PPP2R2B: variants seen among roughly 807,000 people sequenced by gnomAD.
The protein encoded by PPP2R2B is protein phosphatase 2 regulatory subunit Bbeta.
A neutral mutation model predicts 46.0 loss-of-function variants in PPP2R2B; 5 were observed. That is an observed-to-expected ratio of 0.11 (90% confidence interval 0.06 to 0.23). PPP2R2B has a LOEUF of 0.23. Among genes scored for constraint, PPP2R2B ranks in the 10% least tolerant of loss-of-function variants. The pLI is 1.00. For synonymous variants in PPP2R2B, 215 were observed against 206.7 expected, an observed-to-expected ratio of 1.04 and a Z score of -0.34; for missense variants, 367 against 575.0, an observed-to-expected ratio of 0.64 and a Z score of 3.70.
intron 1 of PPP2R2B, among the ~76,000 whole-genome samples, chr5:147,001,947 G>A (rs1754198576): frequency 6.6e-6 from 1 of 152,118 alleles, no homozygotes; most frequent in African/African-American, 2.4e-5. Context: ...TCAGGGTCCT[G>A]ACAACAAGTT....
At chr5:146,903,155 T>C (rs932655020) in intron 1 of PPP2R2B, among the ~76,000 whole-genome samples, 3 of 152,144 alleles carry the variant, frequency 2.0e-5, no homozygotes, top group Admixed American at 6.5e-5. Flanking sequence ...TATATAGTAA[T>C]TTTTCATAAA....
At chr5:147,029,577 C>T (rs544956690) in intron 1 of PPP2R2B, among the ~76,000 whole-genome samples, 1 of 151,942 alleles carries the variant, frequency 6.6e-6, no homozygotes, top group Non-Finnish European at 1.5e-5. Flanking sequence ...TGAACTGTGC[C>T]CCCCTGCAAA....
At chr5:146,916,603 C>T (rs1763393519) in intron 1 of PPP2R2B, among the ~76,000 whole-genome samples, 1 of 152,084 alleles carries the variant, frequency 6.6e-6, no homozygotes, top group African/African-American at 2.4e-5. Context: ...CCGTATCCCA[C>T]AACTAAACTG....
chr5:146,761,539 G>A (rs1413014361), intron 2 of PPP2R2B, among the ~76,000 whole-genome samples: 1 of 151,786 alleles, frequency 6.6e-6, no homozygotes, highest in African/African-American at 2.4e-5. Flanking sequence ...GGGGGGTGCA[G>A]CACACCAACA....
intron 2 of PPP2R2B, among the ~76,000 whole-genome samples, chr5:146,723,859 G>A (rs1751679794): frequency 6.6e-6 from 1 of 151,966 alleles, no homozygotes; most frequent in African/African-American, 2.4e-5. Flanking sequence ...GGAGGGCCAG[G>A]ACAAATTCAT....
chr5:146,804,027 C>T (rs537162965), intron 2 of PPP2R2B, among the ~76,000 whole-genome samples: 3 of 151,886 alleles, frequency 2.0e-5, no homozygotes, highest in East Asian at 1.9e-4. Flanking sequence ...ATTAGACGGG[C>T]GTGGTGGCCA....
rs370311425 is a variant in PPP2R2B at position 147,079,505 on chromosome 5, G to T, written c.50+1554C>A. Among the ~76,000 whole-genome samples, 114 of 138,188 alleles carry T rather than the reference G, an allele frequency of 8.2e-4. No homozygotes were observed. In the South Asian group the frequency reaches 0.016, roughly 19 times the overall value. 90.7% of individuals were successfully genotyped at this position (138,188 alleles called of 152,430 possible). A position where few individuals can be genotyped will look rare whatever the true frequency, so the allele number is the denominator to read the frequency against. On this transcript the variant is annotated intron_variant, in intron 2 of 10. Coordinates refer to the PPP2R2B transcript ENST00000394413. ...TGGAATATTACTCAGCCATAAAAAA[G>T]AATAAAATCCTGTCATGTGGCAACA...
At chr5:146,826,493 C>T (rs1311525572) in intron 2 of PPP2R2B, among the ~76,000 whole-genome samples, 1 of 152,118 alleles carries the variant, frequency 6.6e-6, no homozygotes, top group African/African-American at 2.4e-5. Context: ...CCAAGATAAT[C>T]TTCAGTTTCC....
chr5:146,683,319 A>T (rs1396011785), intron 5 of PPP2R2B, among the ~76,000 whole-genome samples: 1 of 152,158 alleles, frequency 6.6e-6, no homozygotes, highest in Non-Finnish European at 1.5e-5. Context: ...ATTCAGATGC[A>T]TATATTAGGC....
chr5:146,583,346 A>T lies in PPP2R2B; in HGVS notation c.*6601T>A, dbSNP rs1769990026. Reference sequence around the variant, plus strand: ...CTGAATGCATATTTGTGGGCCAGGCATCCTTCTAAGAGCTTTGTGCATATT... The same window carrying T: ...CTGAATGCATATTTGTGGGCCAGGCTTCCTTCTAAGAGCTTTGTGCATATT... On this transcript the variant is annotated 3_prime_UTR_variant, in exon 10 of 10. Transcript: ENST00000394411. 1 of 152,202 alleles carries T rather than the reference A, an allele frequency of 6.6e-6. No homozygotes were observed. The highest frequency in any genetic ancestry group is 2.4e-5 in the African/African-American group (1 of 41,448). The allele number at this position is 152,202 out of a possible 1,614,324, so 9.4% of individuals were successfully genotyped here. A position where few individuals can be genotyped will look rare whatever the true frequency, so the allele number is the denominator to read the frequency against.
upstream of PPP2R2B, among the ~76,000 whole-genome samples, chr5:146,882,088 T>C (rs185073020): frequency 9.9e-5 from 15 of 152,042 alleles, no homozygotes; most frequent in East Asian, 2.1e-3. Flanking sequence ...CCATCCTGGC[T>C]AACATGGTGA....
chr5:146,840,588 A>G (rs1759575582), intron 2 of PPP2R2B, among the ~76,000 whole-genome samples: 1 of 152,166 alleles, frequency 6.6e-6, no homozygotes, highest in Non-Finnish European at 1.5e-5. Flanking sequence ...AAAATACCCA[A>G]AGGGGTTTGG....
chr5:146,846,507 G>A (rs145058972), intron 2 of PPP2R2B, among the ~76,000 whole-genome samples: 9,786 of 151,508 alleles, frequency 0.065, 585 homozygotes, highest in African/African-American at 0.16. Context: ...GTGAAACCCC[G>A]TCTCTACTAA....
At chr5:146,806,751 G>A (rs1381439780) in intron 2 of PPP2R2B, among the ~76,000 whole-genome samples, 1 of 152,196 alleles carries the variant, frequency 6.6e-6, no homozygotes, top group Admixed American at 6.5e-5. Flanking sequence ...AGTAATCTCT[G>A]CCCTTTTTTA....
chr5:146,893,259 C>A (rs1050825739), intron 1 of PPP2R2B, among the ~76,000 whole-genome samples: 1 of 152,300 alleles, frequency 6.6e-6, no homozygotes, highest in Non-Finnish European at 1.5e-5. Flanking sequence ...GATTCCTGAG[C>A]ATTAATGAAT....
At chr5:146,874,467 T>C (rs1463207785) in intron 2 of PPP2R2B, among the ~76,000 whole-genome samples, 2 of 152,228 alleles carry the variant, frequency 1.3e-5, no homozygotes, top group African/African-American at 4.8e-5. Context: ...TAAGTAACAA[T>C]AACAGCTATA....
chr5:147,038,632 C>T (rs1031102066), intron 1 of PPP2R2B, among the ~76,000 whole-genome samples: 1 of 152,140 alleles, frequency 6.6e-6, no homozygotes, highest in African/African-American at 2.4e-5. Flanking sequence ...TAATAGCCAA[C>T]ATATTTTGGA....
chr5:147,056,382 G>A (rs1489204171), upstream of PPP2R2B, among the ~76,000 whole-genome samples: 1 of 152,138 alleles, frequency 6.6e-6, no homozygotes, highest in Non-Finnish European at 1.5e-5. Flanking sequence ...TTTAGGTGAA[G>A]CCAAAAGCTG....
chr5:146,995,776 A>C (rs1753896698), intron 1 of PPP2R2B, among the ~76,000 whole-genome samples: 1 of 152,196 alleles, frequency 6.6e-6, no homozygotes, highest in Non-Finnish European at 1.5e-5. Flanking sequence ...GGGAAATGTC[A>C]GGAATCATGA....
Sources: gnomAD v4.1 joint callset for allele counts (sites outside exome capture counted in the v4.1 genomes callset) on GRCh38, gnomAD v4.1.1 for gene constraint, MANE v1.5 for transcripts, NCBI Gene and HGNC (gene_info 2026-07-23, HGNC 2026-07-21) for gene names.